Variants in LYN observed in about 807,000 individuals in gnomAD.
The protein encoded by LYN is tyrosine-protein kinase Lyn.
In LYN, 12 loss-of-function variants were observed where a neutral mutation model predicts 65.0. That is an observed-to-expected ratio of 0.18 (90% CI 0.12 to 0.30). The LOEUF (loss-of-function observed/expected upper bound fraction) is 0.30, where lower values mean the gene tolerates loss of function less well. Ranked by LOEUF, LYN falls within the 10% of genes least tolerant of loss-of-function variation. The pLI, the probability that LYN is intolerant of heterozygous loss-of-function variation, is 1.00. For synonymous variants in LYN, 222 were observed against 221.2 expected (o/e 1.00, Z -0.03); for missense variants, 380 against 623.2 (o/e 0.61, Z 4.16).
rs565451852 is a variant in LYN at position 55,978,443 on chromosome 8, A to T, written c.1050+8650A>T. On this transcript the variant is annotated intron_variant, in intron 10 of 12. Coordinates refer to ENST00000519728, the MANE Select transcript of LYN (RefSeq NM_002350.4). The stretch of plus-strand genomic sequence containing the variant: ...TGGCTGATGAAATTAGTTTTGCTGT[A>T]CTGGGTTTGAAGTGCCATGAAACAT... Among the ~76,000 whole-genome samples the T allele has an allele frequency of 6.0e-4, 91 of 152,328 alleles. 1 individual carries two copies. The highest frequency in any genetic ancestry group is 2.1e-3 in the African/African-American group (86 of 41,566).
intron 1 of LYN, among the ~76,000 whole-genome samples, chr8:55,887,950 G>T (rs1323074973): frequency 6.6e-6 from 1 of 152,152 alleles, no homozygotes; most frequent in African/African-American, 2.4e-5. Flanking sequence ...AGGAGCAATG[G>T]AATGAAGCCA....
At chr8:55,996,564 C>T (rs1231089718) in intron 10 of LYN, among the ~76,000 whole-genome samples, 1 of 151,408 alleles carries the variant, frequency 6.6e-6, no homozygotes, top group African/African-American at 2.4e-5. Context: ...TTCTTACTTC[C>T]CTCCTTTCCT....
chr8:55,948,277 T>C (rs2130487787), intron 4 of LYN, among the ~76,000 whole-genome samples: 1 of 152,302 alleles, frequency 6.6e-6, no homozygotes, highest in South Asian at 2.1e-4. Flanking sequence ...CCCAGCCTGG[T>C]TTCTTTCTTT....
At chr8:55,922,822 G>A (rs1234280555) in intron 1 of LYN, among the ~76,000 whole-genome samples, 1 of 152,108 alleles carries the variant, frequency 6.6e-6, no homozygotes, top group African/African-American at 2.4e-5. Flanking sequence ...TCATAAAGAT[G>A]AGTGTAGCAA....
intron 1 of LYN, among the ~76,000 whole-genome samples, chr8:55,923,634 G>A (rs531418252): frequency 6.6e-6 from 1 of 152,166 alleles, no homozygotes; most frequent in Non-Finnish European, 1.5e-5. Context: ...CCGCCTCCTG[G>A]GTTCAAGCGA....
chr8:55,982,804 C>T (rs546943941), intron 10 of LYN, among the ~76,000 whole-genome samples: 1 of 152,276 alleles, frequency 6.6e-6, no homozygotes, highest in Admixed American at 6.5e-5. Flanking sequence ...TTCTGCTGCT[C>T]ATTGCTTCAT....
At chr8:55,988,859 G>A (rs1357063504) in intron 10 of LYN, among the ~76,000 whole-genome samples, 2 of 151,826 alleles carry the variant, frequency 1.3e-5, no homozygotes, top group East Asian at 1.9e-4. Flanking sequence ...TGACAGAAAT[G>A]GGGGTTCTTC....
At chr8:55,886,012 G>T (rs894354521) in intron 1 of LYN, among the ~76,000 whole-genome samples, 1 of 152,138 alleles carries the variant, frequency 6.6e-6, no homozygotes, top group African/African-American at 2.4e-5. Context: ...AGCCTGCTTT[G>T]CGAAGCCCAC....
chr8:55,887,624 T>C (rs908029901), intron 1 of LYN, among the ~76,000 whole-genome samples: 6 of 91,446 alleles, frequency 6.6e-5, no homozygotes, highest in African/African-American at 2.2e-4. Flanking sequence ...ATTTTTTTTT[T>C]CCTGAGACAG....
chr8:55,901,554 G>A (rs1390659559), intron 1 of LYN, among the ~76,000 whole-genome samples: 2 of 152,158 alleles, frequency 1.3e-5, no homozygotes, highest in African/African-American at 4.8e-5. Flanking sequence ...CCCCAAACCT[G>A]GCAGCCCAGG....
intron 1 of LYN, among the ~76,000 whole-genome samples, chr8:55,938,549 G>A (rs1806507525): frequency 6.6e-6 from 1 of 152,170 alleles, no homozygotes; most frequent in African/African-American, 2.4e-5. Flanking sequence ...TAGGGCAAAT[G>A]TGCAGGTCAG....
At chr8:55,952,504 G>T (rs933487069) in intron 7 of LYN, among the ~76,000 whole-genome samples, 1 of 152,206 alleles carries the variant, frequency 6.6e-6, no homozygotes, top group African/African-American at 2.4e-5. Context: ...AGATTGCAGT[G>T]AGCTGAGATC....
chr8:55,888,400 G>A (rs1246255970), intron 1 of LYN, among the ~76,000 whole-genome samples: 2 of 152,160 alleles, frequency 1.3e-5, no homozygotes, highest in Non-Finnish European at 2.9e-5. Context: ...TGGCATTAAC[G>A]AAGGGGAATC....
chr8:55,897,299 T>C (rs1805142494), intron 1 of LYN, among the ~76,000 whole-genome samples: 1 of 152,184 alleles, frequency 6.6e-6, no homozygotes, highest in Admixed American at 6.5e-5. Flanking sequence ...AGTAAAGCTT[T>C]CTCTGTTGTA....
chr8:55,973,138 C>T (rs1349449360), intron 10 of LYN, among the ~76,000 whole-genome samples: 2 of 152,176 alleles, frequency 1.3e-5, no homozygotes, highest in Non-Finnish European at 2.9e-5. Context: ...TCTTCCCGCT[C>T]CCCACTACCC....
chr8:56,010,004 T>C lies in LYN; in HGVS notation c.1433T>C (p.Met478Thr), dbSNP rs774443127. The C allele has an allele frequency of 1.2e-6, 2 of 1,613,954 alleles. No homozygotes were observed. Among genetic ancestry groups the C allele is most frequent in the Admixed American group, 1.7e-5 (1 of 59,994 alleles). The change falls in exon 13 of 13, where the codon ATG becomes ACG. Residue 478 changes from methionine to threonine, a missense_variant. By Grantham distance (81) the Met-to-Thr change is moderately conservative. This residue lies in a region of LYN where 223 missense variants were observed against 430.0 expected (regional missense o/e 0.52). Coordinates refer to ENST00000519728, the MANE Select transcript of LYN (RefSeq NM_002350.4). ...GATGAGCTCTATGACATTATGAAAA[T>C]GTGCTGGAAAGAAAAGGCAGAAGAG... ...CPDELYDIMK[M>T]CWKEKAEERP...
intron 8 of LYN, among the ~76,000 whole-genome samples, chr8:55,964,881 A>T (rs1047743377): frequency 6.6e-6 from 1 of 152,220 alleles, no homozygotes. Context: ...ATTCACATAC[A>T]GATACTCTTG....
At chr8:55,981,309 AT>A (rs1807913137) in intron 10 of LYN, among the ~76,000 whole-genome samples, 1 of 152,074 alleles carries the variant, frequency 6.6e-6, no homozygotes, top group Non-Finnish European at 1.5e-5. Context: ...TGCAATTTGA[AT>A]TTTTTGATAA....
chr8:55,998,507 G>A lies in LYN; in HGVS notation c.1204+8G>A, dbSNP rs1316583129. 8.1e-6 allele frequency: 13 copies of A among 1,600,698 alleles called. No individual in the cohort carries two copies. Among genetic ancestry groups the A allele is most frequent in the Non-Finnish European group, 1.1e-5 (13 of 1,168,780 alleles). ...AGTACACAGCAAGGGAAGGTATGTT[G>A]CACTAATGATCTTTAGATGTTTTAT... On this transcript the variant is annotated splice_region_variant and intron_variant, in intron 11 of 12. Transcript: ENST00000519728.
Sources: gnomAD v4.1 joint callset for allele counts (sites outside exome capture counted in the v4.1 genomes callset) on GRCh38, gnomAD v4.1.1 for gene constraint, gnomAD v4.1.1 regional missense constraint, MANE v1.5 for transcripts, NCBI Gene and HGNC (gene_info 2026-07-23, HGNC 2026-07-21) for gene names.